The following PGBD5 variants were observed in gnomAD, a reference collection of about 807,000 sequenced individuals.
PGBD5 encodes the protein piggyBac transposable element derived 5.
Under a neutral mutation model 47.9 loss-of-function variants are expected in PGBD5, and 14 were observed. The observed-to-expected ratio is 0.29, with a 90% CI of 0.19 to 0.46. The LOEUF is 0.46. Ranked by LOEUF, PGBD5 falls within the 20% of genes least tolerant of loss-of-function variation. The pLI is 1.00. For missense variants in PGBD5, 635 were observed against 716.0 expected (o/e 0.89, Z 1.29); for synonymous variants, 316 against 306.3 (o/e 1.03, Z -0.33).
At chr1:230,360,463 T>C (rs763802513) in intron 1 of PGBD5, among the ~76,000 whole-genome samples, 2 of 152,142 alleles carry the variant, frequency 1.3e-5, no homozygotes, top group Non-Finnish European at 2.9e-5. Context: ...TCATCTTGAA[T>C]TGTAATCCCC....
At position 230,319,923 on chromosome 1, in the gene PGBD5, G is replaced by C. The variant is rs1667011992; in HGVS notation, c.*3502C>G. 6.7e-6 allele frequency: 1 copy of C among 149,864 alleles called. No homozygotes were observed. Among genetic ancestry groups the C allele is most frequent in the African/African-American group, 2.5e-5 (1 of 40,326 alleles). 9.3% of individuals were successfully genotyped at this position (149,864 alleles called of 1,614,324 possible). On this transcript the variant is annotated 3_prime_UTR_variant, in exon 7 of 7. Transcript: ENST00000391860. ...CTGTCACCCAGGCTGGAGTGCAGTG[G>C]TGCGATCTTGGCTCACTGCAGCCTC...
intron 1 of PGBD5, chr1:230,377,738 T>C: frequency 2.1e-6 from 3 of 1,405,806 alleles, no homozygotes; most frequent in South Asian, 1.6e-5. Context: ...ATTGTGAGAA[T>C]AAAATGAAAT....
chr1:230,403,710 C>G (rs1032909355), intron 1 of PGBD5, among the ~76,000 whole-genome samples: 3 of 152,210 alleles, frequency 2.0e-5, no homozygotes, highest in African/African-American at 7.2e-5. Flanking sequence ...CCGCTCTGGA[C>G]ACAGAAGAGC....
At chr1:230,350,879 A>G (rs1458910719) in intron 3 of PGBD5, 79 bp downstream of exon 3, 3 of 1,548,152 alleles carry the variant, frequency 1.9e-6, no homozygotes. Context: ...GTTCTTGGGT[A>G]TCAGATGAGC....
chr1:230,407,238 G>A (rs1407776365), intron 1 of PGBD5, among the ~76,000 whole-genome samples: 1 of 152,176 alleles, frequency 6.6e-6, no homozygotes, highest in Non-Finnish European at 1.5e-5. Context: ...TCTTAAGAAT[G>A]TCTTCAGACA....
intron 1 of PGBD5, among the ~76,000 whole-genome samples, chr1:230,404,520 G>T (rs1278736941): frequency 6.6e-6 from 1 of 150,788 alleles, no homozygotes; most frequent in Non-Finnish European, 1.5e-5. Flanking sequence ...AGGGAGGGGA[G>T]GATCACTTGA....
intron 4 of PGBD5, among the ~76,000 whole-genome samples, chr1:230,334,209 C>G (rs531938613): frequency 1.3e-5 from 2 of 152,336 alleles, no homozygotes; most frequent in East Asian, 3.9e-4. Context: ...TTTTGAGTCT[C>G]GCTGCTGAAA....
intron 1 of PGBD5, among the ~76,000 whole-genome samples, chr1:230,391,580 C>G (rs905729620): frequency 6.6e-6 from 1 of 152,208 alleles, no homozygotes; most frequent in Non-Finnish European, 1.5e-5. Context: ...CTCCTCCTCA[C>G]ACCTTAAGAC....
chr1:230,330,245 C>T (rs1053677007), intron 5 of PGBD5, among the ~76,000 whole-genome samples: 1 of 152,088 alleles, frequency 6.6e-6, no homozygotes, highest in Non-Finnish European at 1.5e-5. Flanking sequence ...AAAGTAGTGC[C>T]GGTAAAGCTG....
At chr1:230,409,361 T>C (rs547920104) in intron 1 of PGBD5, among the ~76,000 whole-genome samples, 21 of 152,332 alleles carry the variant, frequency 1.4e-4, no homozygotes, top group African/African-American at 5.1e-4. Flanking sequence ...CTCCTGGGTA[T>C]ATACCCAAGA....
intron 1 of PGBD5, among the ~76,000 whole-genome samples, chr1:230,423,917 G>A (rs1657714990): frequency 6.6e-6 from 1 of 152,142 alleles, no homozygotes; most frequent in African/African-American, 2.4e-5. Context: ...TGCGGTGGCT[G>A]GATTAAATGG....
chr1:230,420,857 G>C (rs1474419643), intron 1 of PGBD5, among the ~76,000 whole-genome samples: 1 of 151,992 alleles, frequency 6.6e-6, no homozygotes, highest in Non-Finnish European at 1.5e-5. Flanking sequence ...CTGTTAATAA[G>C]AAAAAAACAT....
At chr1:230,367,275 C>T (rs1296545580) in intron 1 of PGBD5, among the ~76,000 whole-genome samples, 1 of 152,050 alleles carries the variant, frequency 6.6e-6, no homozygotes, top group African/African-American at 2.4e-5. Context: ...GCCACCGATG[C>T]CCCCAACGTG....
intron 5 of PGBD5, among the ~76,000 whole-genome samples, chr1:230,326,086 C>T (rs892979647): frequency 6.6e-6 from 1 of 152,216 alleles, no homozygotes; most frequent in Middle Eastern, 3.2e-3. Flanking sequence ...TCACTATGTG[C>T]CCCGTGAAAA....
intron 2 of PGBD5, among the ~76,000 whole-genome samples, chr1:230,352,464 T>A (rs1008059): frequency 0.48 from 73,570 of 151,886 alleles, 18,662 homozygotes; most frequent in African/African-American, 0.64. Flanking sequence ...TGTGGACAGC[T>A]GCCTTCCATT....
chr1:230,422,717 A>G (rs1159899810), intron 1 of PGBD5, among the ~76,000 whole-genome samples: 2 of 152,216 alleles, frequency 1.3e-5, no homozygotes, highest in African/African-American at 4.8e-5. Context: ...GAGCTGATCT[A>G]GGAAGCTAAA....
In PGBD5 at chr1:230,389,673, G is replaced by T. The variant is rs113291196; in HGVS notation, c.332-32352C>A. On this transcript the variant is annotated intron_variant, in intron 1 of 6. Coordinates refer to ENST00000391860, the MANE Select transcript of PGBD5 (RefSeq NM_001258311.2). ...AGAGAATACAGTTGAGAGAGCTGTG[G>T]AAATGTTCAAGCCCGGAATAAGGTT... 3.8e-3 allele frequency among the ~76,000 whole-genome samples: 580 copies of T among 152,246 alleles called. 5 individuals are homozygous for T. Among genetic ancestry groups the T allele is most frequent in the African/African-American group, 0.013 (552 of 41,514 alleles).
intron 1 of PGBD5, among the ~76,000 whole-genome samples, chr1:230,388,574 C>A (rs1378820868): frequency 6.6e-6 from 1 of 152,150 alleles, no homozygotes; most frequent in East Asian, 1.9e-4. Flanking sequence ...CGCCACCACA[C>A]CCGGCTAATT....
intron 1 of PGBD5, among the ~76,000 whole-genome samples, chr1:230,375,031 A>G (rs1163315412): frequency 6.6e-6 from 1 of 152,320 alleles, no homozygotes; most frequent in Non-Finnish European, 1.5e-5. Flanking sequence ...ACGTTTCCAA[A>G]GGATGCCAGG....
Sources: allele counts gnomAD v4.1 joint callset (sites outside exome capture counted in the v4.1 genomes callset), GRCh38; gene constraint gnomAD v4.1.1; transcripts MANE v1.5; gene names NCBI Gene and HGNC (gene_info 2026-07-23, HGNC 2026-07-21).